The following PCDHGB6 variants were observed in gnomAD, a reference collection of about 807,000 sequenced individuals.
The protein encoded by PCDHGB6 is protocadherin gamma-B6.
In PCDHGB6, 51 loss-of-function variants were observed where a neutral mutation model predicts 59.1. The observed-to-expected ratio is 0.86, with a 90% CI of 0.69 to 1.09. PCDHGB6 has a LOEUF of 1.09. Among genes scored for constraint, PCDHGB6 ranks in the 50% least tolerant of loss-of-function variants. PCDHGB6 has a pLI of 0.00. For synonymous variants in PCDHGB6, 466 were observed against 495.1 expected (o/e 0.94, Z 0.78); for missense variants, 1,148 against 1,205.1 (o/e 0.95, Z 0.70).
chr5:141,484,219 C>T (rs766309865), intron 1 of PCDHGB6, among the ~76,000 whole-genome samples: 1 of 152,162 alleles, frequency 6.6e-6, no homozygotes, highest in Non-Finnish European at 1.5e-5. Context: ...TAGCATTCTG[C>T]CAGGTAAAGA....
At chr5:141,467,728 C>A (rs2099150053) in intron 1 of PCDHGB6, among the ~76,000 whole-genome samples, 1 of 152,058 alleles carries the variant, frequency 6.6e-6, no homozygotes, top group Admixed American at 6.5e-5. Context: ...GTGGCACAAT[C>A]CCAGCTCGCT....
Position 141,427,970 on chromosome 5 carries a change from C to A in PCDHGB6, c.2418+17350C>A, listed in dbSNP as rs760792774. On this transcript the variant is annotated intron_variant, in intron 1 of 3. Coordinates refer to ENST00000520790, the MANE Select transcript of PCDHGB6 (RefSeq NM_018926.3). ...ATGACAATGTGCCGCGGGTGCTGTA[C>A]CCCGCGCTGGGGCCCGATGGCTCCG... 1.9e-6 allele frequency: 3 copies of A among 1,592,510 alleles called. No individual in the cohort carries two copies. The Admixed American group carries it at 5.0e-5, about 27-fold the overall frequency.
intron 1 of PCDHGB6, chr5:141,414,483 A>T (rs756254490): frequency 5.6e-6 from 9 of 1,613,826 alleles, no homozygotes; most frequent in Non-Finnish European, 6.8e-6. Flanking sequence ...GTCCTCCTCT[A>T]TCAACGGAAG....
Position 141,490,795 on chromosome 5 carries a change from C to G in PCDHGB6, c.2419-4012C>G. The G allele has an allele frequency of 6.2e-7, 1 of 1,614,036 alleles. No homozygotes were observed. The highest frequency in any genetic ancestry group is 1.1e-5 in the South Asian group (1 of 91,084). Reference sequence around the variant, plus strand: ...CCCAGAGGATGGACGGATCTTTGCCCAGCGTACCTTTGACTATGAATTGCT... The same window carrying G: ...CCCAGAGGATGGACGGATCTTTGCCGAGCGTACCTTTGACTATGAATTGCT... On this transcript the variant is annotated intron_variant, in intron 1 of 3. Transcript: ENST00000520790. This position sits in a 1 kb window ranked among gnomAD's most constrained non-coding sequence, Gnocchi z 5.4.
At chr5:141,433,662 C>T (rs1377052782) in intron 1 of PCDHGB6, among the ~76,000 whole-genome samples, 1 of 151,950 alleles carries the variant, frequency 6.6e-6, no homozygotes, top group Non-Finnish European at 1.5e-5. Context: ...ATGGAGAAAC[C>T]CCGTCTATAC....
chr5:141,467,015 T>C (rs1423064392), intron 1 of PCDHGB6, among the ~76,000 whole-genome samples: 1 of 152,072 alleles, frequency 6.6e-6, no homozygotes. Flanking sequence ...GCAATTTTTT[T>C]CCCTTTGTTT....
Position 141,486,885 on chromosome 5 carries a change from G to A in PCDHGB6, c.2419-7922G>A, listed in dbSNP as rs139638334. On this transcript the variant is annotated intron_variant, in intron 1 of 3. Transcript: ENST00000520790. The surrounding 1 kb of genome is among the most constrained non-coding windows in gnomAD (Gnocchi z 5.0). ...CCAGCTGTGCTCCGTCCTCGGGCCC[G>A]GCCTGGTTCCTTATGTCCCCAAGCA... is the stretch of plus-strand genomic sequence containing the variant. 16 of 1,614,076 alleles carry A rather than the reference G, an allele frequency of 9.9e-6. No individual in the cohort carries two copies. The highest frequency in any genetic ancestry group is 1.6e-4 in the Middle Eastern group (1 of 6,084).
chr5:141,489,148 C>G lies in PCDHGB6; in HGVS notation c.2419-5659C>G. 1 of 895,318 alleles carries G rather than the reference C, an allele frequency of 1.1e-6. No individual in the cohort carries two copies. Among genetic ancestry groups the G allele is most frequent in the Non-Finnish European group, 1.7e-6 (1 of 589,254 alleles). The allele number at this position is 895,318 out of a possible 1,614,324, so 55.5% of individuals were successfully genotyped here. A position where few individuals can be genotyped will look rare whatever the true frequency, so the allele number is the denominator to read the frequency against. ...CAGTTTTTAAGAGGCTGGAAGGAGA[C>G]ATAAGAGACTTCAGCTGCTGCATTC... On this transcript the variant is annotated intron_variant, in intron 1 of 3. Transcript: ENST00000520790. This position sits in a 1 kb window ranked among gnomAD's most constrained non-coding sequence, Gnocchi z 4.5.
At chr5:141,418,621 C>G (rs765634746) in intron 1 of PCDHGB6, 2 of 1,613,916 alleles carry the variant, frequency 1.2e-6, no homozygotes, top group Non-Finnish European at 1.7e-6. Flanking sequence ...TTCGGGAAGA[C>G]GTGCCTCCAG....
intron 2 of PCDHGB6, among the ~76,000 whole-genome samples, chr5:141,498,555 C>T (rs2099784323): frequency 6.6e-6 from 1 of 152,032 alleles, no homozygotes; most frequent in South Asian, 2.1e-4. Flanking sequence ...GACACACCAG[C>T]TTCAAAGCAG....
In PCDHGB6 at chr5:141,502,866, C is replaced by CTTTTTTTTTT. The variant is rs549047197; in HGVS notation, c.2478-2522_2478-2513dup. On this transcript the variant is annotated intron_variant, in intron 2 of 3. Transcript: ENST00000520790. ...GAGCTGCCTAACCCTGACTCTCTGT[C>CTTTTTTTTTT]TTTTTTTTTTTTTTGACAGGGAGTC... 1.9e-3 allele frequency among the ~76,000 whole-genome samples: 240 copies of CTTTTTTTTTT among 127,966 alleles called. 11 individuals are homozygous for CTTTTTTTTTT. The highest frequency in any genetic ancestry group is 3.5e-3 in the Admixed American group (41 of 11,656). The allele number at this position is 127,966 out of a possible 152,430, so 84.0% of individuals were successfully genotyped here.
intron 1 of PCDHGB6, among the ~76,000 whole-genome samples, chr5:141,450,315 G>A (rs1319432573): frequency 1.3e-5 from 2 of 151,918 alleles, no homozygotes; most frequent in African/African-American, 4.8e-5. Context: ...GTGTGGCCTA[G>A]TTGCCATGTC....
At chr5:141,462,206 T>A (rs574863016) in intron 1 of PCDHGB6, among the ~76,000 whole-genome samples, 7 of 152,066 alleles carry the variant, frequency 4.6e-5, no homozygotes, top group African/African-American at 1.7e-4. Flanking sequence ...GTGATCCGCC[T>A]GCCTCGGCCT....
At chr5:141,418,127 A>G in intron 1 of PCDHGB6, 1 of 1,614,104 alleles carries the variant, frequency 6.2e-7, no homozygotes, top group East Asian at 2.2e-5. Flanking sequence ...GAAGGACCGA[A>G]TAGACCGTGA....
chr5:141,431,736 G>T lies in PCDHGB6; in HGVS notation c.2418+21116G>T. On this transcript the variant is annotated intron_variant, in intron 1 of 3. Transcript: ENST00000520790. The surrounding 1 kb of genome is among the most constrained non-coding windows in gnomAD (Gnocchi z 4.8). ...GAAGTGCAAGCAATGGATAATGCAG[G>T]ATATTCTGCGCGAGCCAAAGTCCTG... 1 of 1,614,218 alleles carries T rather than the reference G, an allele frequency of 6.2e-7. No individual in the cohort carries two copies. The highest frequency in any genetic ancestry group is 8.5e-7 in the Non-Finnish European group (1 of 1,180,046).
Position 141,476,019 on chromosome 5 carries a change from C to T in PCDHGB6, c.2419-18788C>T, listed in dbSNP as rs964061075. The T allele has an allele frequency of 3.9e-5, 54 of 1,390,282 alleles. 1 individual carries two copies. Among genetic ancestry groups the T allele is most frequent in the Non-Finnish European group, 4.9e-5 (51 of 1,034,212 alleles). 86.1% of individuals were successfully genotyped at this position (1,390,282 alleles called of 1,614,324 possible). A position where few individuals can be genotyped will look rare whatever the true frequency, so the allele number is the denominator to read the frequency against. Reference sequence around the variant, plus strand: ...ACGGCATCCAGAAAGCCATGTCGGACTCGGCGCCCAGCGCCCAAGCGCTAA... The same window carrying T: ...ACGGCATCCAGAAAGCCATGTCGGATTCGGCGCCCAGCGCCCAAGCGCTAA... On this transcript the variant is annotated intron_variant, in intron 1 of 3. Transcript: ENST00000520790. This position sits in a 1 kb window ranked among gnomAD's most constrained non-coding sequence, Gnocchi z 7.6.
Position 141,490,400 on chromosome 5 carries a change from T to A in PCDHGB6, c.2419-4407T>A. On this transcript the variant is annotated intron_variant, in intron 1 of 3. Coordinates refer to ENST00000520790, the MANE Select transcript of PCDHGB6 (RefSeq NM_018926.3). This position sits in a 1 kb window ranked among gnomAD's most constrained non-coding sequence, Gnocchi z 5.4. ...TCAGGTAGAAATGGTGAAGTGAGCC[T>A]TGATATCTCTCCGGACCTGCCATTT... The A allele has an allele frequency of 6.2e-7, 1 of 1,614,202 alleles. No homozygotes were observed. Among genetic ancestry groups the A allele is most frequent in the Non-Finnish European group, 8.5e-7 (1 of 1,180,032 alleles).
chr5:141,436,842 T>G (rs986680968), intron 1 of PCDHGB6, among the ~76,000 whole-genome samples: 3 of 152,376 alleles, frequency 2.0e-5, no homozygotes, highest in African/African-American at 7.2e-5. Flanking sequence ...CCTAGGCACA[T>G]TCTTGATTGA....
At chr5:141,484,009 TG>T (rs2099590446) in intron 1 of PCDHGB6, among the ~76,000 whole-genome samples, 1 of 14,098 alleles carries the variant, frequency 7.1e-5, no homozygotes, top group Admixed American at 8.3e-4. Context: ...TGGATGAGGG[TG>T]GGGGTGGGGT....
Sources: allele counts gnomAD v4.1 joint callset (sites outside exome capture counted in the v4.1 genomes callset), GRCh38; gene constraint gnomAD v4.1.1; non-coding constraint Gnocchi (gnomAD v3.1); transcripts MANE v1.5; gene names NCBI Gene and HGNC (gene_info 2026-07-23, HGNC 2026-07-21).